Variants in MAP3K2 observed in about 807,000 individuals in gnomAD.
MAP3K2 encodes MAP/ERK kinase kinase 2.
In MAP3K2, 24 loss-of-function variants were observed where a neutral mutation model predicts 80.3. The observed-to-expected ratio is 0.30, with a 90% CI of 0.22 to 0.42. The LOEUF (loss-of-function observed/expected upper bound fraction) is 0.42. Among genes scored for constraint, MAP3K2 ranks in the 10% least tolerant of loss-of-function variants. The pLI, the probability that MAP3K2 is intolerant of heterozygous loss-of-function variation, is 1.00. For synonymous variants in MAP3K2, 244 were observed against 253.7 expected (o/e 0.96, Z 0.36); for missense variants, 608 against 750.1 (o/e 0.81, Z 2.21).
rs2104815905 is a variant in MAP3K2, at chr2:127,318,192, G to A, written c.1171C>T (p.Pro391Ser). The A allele has an allele frequency of 6.2e-7, 1 of 1,606,918 alleles. No homozygotes were observed. Among genetic ancestry groups the A allele is most frequent in the Non-Finnish European group, 8.5e-7 (1 of 1,177,084 alleles). ...ACCTTGCTGGTCTCAGGACTATCGG[G>A]GTCAAATTGAACTTGCTTAACAGCC... ...ELAVKQVQFDPDSPETSKEVN... is the reference protein window; with the variant it reads ...ELAVKQVQFDSDSPETSKEVN... Residue 391 changes from proline (P) to serine (S), a missense_variant, in exon 13 of 17, where the codon CCC (proline) becomes TCC (serine). Pro to Ser is a moderately conservative substitution (Grantham distance 74). Coordinates refer to ENST00000682094, the MANE Select transcript of MAP3K2 (RefSeq NM_001371910.2).
At chr2:127,378,539 C>T (rs1282597651) in intron 1 of MAP3K2, among the ~76,000 whole-genome samples, 1 of 152,174 alleles carries the variant, frequency 6.6e-6, no homozygotes, top group African/African-American at 2.4e-5. Context: ...GATAAAATAA[C>T]ATTCAGTTTA....
chr2:127,328,969 C>T (rs1406469485), intron 7 of MAP3K2, among the ~76,000 whole-genome samples: 3 of 152,084 alleles, frequency 2.0e-5, no homozygotes, highest in Admixed American at 2.0e-4. Context: ...TTTATACCAG[C>T]GGTTTTTTGA....
chr2:127,326,101 T>C lies in MAP3K2; in HGVS notation c.598-294A>G, dbSNP rs147505690. ...AAAAATATTCTTTCTCTATAGACTA[T>C]TGACTAAATAATTAAAAGCTACAAT... On this transcript the variant is annotated intron_variant, in intron 8 of 16. Coordinates refer to ENST00000682094, the MANE Select transcript of MAP3K2 (RefSeq NM_001371910.2). Among the ~76,000 whole-genome samples, 357 of 152,172 alleles carry C rather than the reference T, an allele frequency of 2.3e-3. 1 individual carries two copies. Among genetic ancestry groups the C allele is most frequent in the African/African-American group, 7.8e-3 (324 of 41,544 alleles).
intron 1 of MAP3K2, among the ~76,000 whole-genome samples, chr2:127,385,288 T>C (rs994139815): frequency 5.3e-5 from 8 of 152,186 alleles, no homozygotes; most frequent in South Asian, 2.1e-4. Flanking sequence ...CCATCCTTAC[T>C]AGTCAGCAGC....
intron 1 of MAP3K2, among the ~76,000 whole-genome samples, chr2:127,385,758 T>A (rs547123707): frequency 7.8e-5 from 11 of 141,872 alleles, no homozygotes; most frequent in Non-Finnish European, 1.4e-4. Flanking sequence ...ACCAACGCTG[T>A]AGGAAATGCA....
chr2:127,308,829 A>G, intron 15 of MAP3K2, 67 bp from the exon 16 acceptor site: 1 of 1,470,108 alleles, frequency 6.8e-7, no homozygotes, highest in Non-Finnish European at 9.3e-7. Flanking sequence ...ATAAAAGAAC[A>G]ATGGCAGAGA....
chr2:127,378,516 CATA>C (rs1687187679), intron 1 of MAP3K2, among the ~76,000 whole-genome samples: 1 of 152,100 alleles, frequency 6.6e-6, no homozygotes, highest in Non-Finnish European at 1.5e-5. Flanking sequence ...CAGTTTGTAA[CATA>C]ATTTTTTATG....
intron 14 of MAP3K2, chr2:127,316,839 T>TA (rs932975819): frequency 6.6e-5 from 10 of 152,052 alleles, no homozygotes; most frequent in African/African-American, 2.4e-4. Flanking sequence ...GAGTTTATAG[T>TA]AAAAAAGGGA....
At chr2:127,326,547 A>AT (rs1686145472) in intron 8 of MAP3K2, 140 bp downstream of exon 8, 1 of 519,842 alleles carries the variant, frequency 1.9e-6, no homozygotes, top group Admixed American at 4.1e-5. Context: ...ATTTTCCTAT[A>AT]TTTTTTCTAT....
In MAP3K2 at chr2:127,299,509, G is replaced by A. The variant is rs991478658; in HGVS notation, c.*8070C>T. 45 of 152,178 alleles carry A rather than the reference G, an allele frequency of 3.0e-4. No homozygotes were observed. The highest frequency in any genetic ancestry group is 5.6e-4 in the Non-Finnish European group (38 of 67,998). 9.4% of individuals were successfully genotyped at this position (152,178 alleles called of 1,614,324 possible). A position where few individuals can be genotyped will look rare whatever the true frequency, so the allele number is the denominator to read the frequency against. On this transcript the variant is annotated 3_prime_UTR_variant, in exon 17 of 17. Coordinates refer to ENST00000682094, the MANE Select transcript of MAP3K2 (RefSeq NM_001371910.2). ...GTAGGACAGGCCAATAGCAACTGGA[G>A]ATAGAAAAATCTTGACATCTCGAGA...
chr2:127,335,312 T>C (rs1007035922), intron 5 of MAP3K2, among the ~76,000 whole-genome samples: 2 of 152,212 alleles, frequency 1.3e-5, no homozygotes, highest in Non-Finnish European at 2.9e-5. Context: ...TGATATCTCA[T>C]AGAATCTCAA....
At chr2:127,341,514 T>TG (rs1553517678) in intron 2 of MAP3K2, among the ~76,000 whole-genome samples, 4 of 44,020 alleles carry the variant, frequency 9.1e-5, no homozygotes, top group Non-Finnish European at 1.5e-4. Flanking sequence ...GTAAGTACAA[T>TG]GGGTTTTTTT....
chr2:127,325,277 G>A (rs984275978), intron 9 of MAP3K2, among the ~76,000 whole-genome samples: 4 of 152,080 alleles, frequency 2.6e-5, no homozygotes, highest in Admixed American at 6.6e-5. Context: ...TTCATCTGCC[G>A]TCATCATACA....
At chr2:127,380,283 T>C (rs904141363) in intron 1 of MAP3K2, among the ~76,000 whole-genome samples, 2 of 152,222 alleles carry the variant, frequency 1.3e-5, no homozygotes, top group African/African-American at 4.8e-5. Flanking sequence ...TAGAGGCAAG[T>C]GTGCACAGAG....
chr2:127,372,769 A>C (rs970824950), intron 1 of MAP3K2, among the ~76,000 whole-genome samples: 1 of 152,172 alleles, frequency 6.6e-6, no homozygotes, highest in African/African-American at 2.4e-5. Context: ...CTTTAAAGGG[A>C]AAGAAATTAC....
chr2:127,352,967 C>T (rs746939918), intron 1 of MAP3K2, among the ~76,000 whole-genome samples: 1 of 152,154 alleles, frequency 6.6e-6, no homozygotes, highest in Non-Finnish European at 1.5e-5. Context: ...TCCCAAGGTG[C>T]CGGGATTGCA....
rs142377619 is a variant in MAP3K2, at chr2:127,309,986, G to A, written c.1457-1224C>T. Reference sequence around the variant, plus strand: ...GGAGTAAAGAGTTATGCTCCAGGCTGAGTAGCTACATAAATTATTTGGAGT... The same window carrying A: ...GGAGTAAAGAGTTATGCTCCAGGCTAAGTAGCTACATAAATTATTTGGAGT... On this transcript the variant is annotated intron_variant, in intron 15 of 16. Coordinates refer to ENST00000682094, the MANE Select transcript of MAP3K2 (RefSeq NM_001371910.2). Among the ~76,000 whole-genome samples the A allele has an allele frequency of 2.3e-3, 354 of 152,188 alleles. 1 individual carries two copies. Among genetic ancestry groups the A allele is most frequent in the African/African-American group, 7.7e-3 (321 of 41,528 alleles).
chr2:127,375,816 G>A (rs72848614), intron 1 of MAP3K2, among the ~76,000 whole-genome samples: 5,146 of 152,190 alleles, frequency 0.034, 124 homozygotes, highest in Middle Eastern at 0.071. Flanking sequence ...CTGCTTGGCT[G>A]AGAGAGATTA....
At chr2:127,341,426 T>C (rs1321874679) in intron 2 of MAP3K2, among the ~76,000 whole-genome samples, 4 of 151,872 alleles carry the variant, frequency 2.6e-5, no homozygotes, top group Admixed American at 1.3e-4. Flanking sequence ...GGCAATTTAA[T>C]TGAGTTCCTT....
Sources: gnomAD v4.1 joint callset for allele counts (sites outside exome capture counted in the v4.1 genomes callset) on GRCh38, gnomAD v4.1.1 for gene constraint, MANE v1.5 for transcripts, NCBI Gene and HGNC (gene_info 2026-07-23, HGNC 2026-07-21) for gene names.